MARCHF8: variants seen among roughly 807,000 people sequenced by gnomAD.
MARCHF8 encodes the protein membrane associated ring-CH-type finger 8.
MARCHF8 carries 40 observed loss-of-function variants against 51.6 expected under a neutral mutation model. The observed-to-expected ratio is 0.77, with a 90% confidence interval of 0.60 to 1.01. MARCHF8 has a LOEUF of 1.01. MARCHF8 is among the 50% of genes least tolerant of loss of function. The probability of loss-of-function intolerance (pLI) is 0.00; values close to 1 mark genes in which losing one functional copy is unlikely to be tolerated. For synonymous variants in MARCHF8, 263 were observed against 280.3 expected, an observed-to-expected ratio of 0.94 and a Z score of 0.62; for missense variants, 685 against 708.6, an observed-to-expected ratio of 0.97 and a Z score of 0.38.
intron 1 of MARCHF8, among the ~76,000 whole-genome samples, chr10:45,556,477 T>A (rs2044252717): frequency 6.6e-6 from 1 of 152,262 alleles, no homozygotes; most frequent in Admixed American, 6.5e-5. Context: ...GGATGCCAGC[T>A]AGAGCCAGGC....
chr10:45,581,245 C>T (rs952505539), intron 1 of MARCHF8, among the ~76,000 whole-genome samples: 11 of 152,092 alleles, frequency 7.2e-5, no homozygotes, highest in African/African-American at 2.4e-4. Context: ...GAACATCCTA[C>T]AATACACAGA....
At chr10:45,542,940 C>G (rs2044073146) in intron 1 of MARCHF8, among the ~76,000 whole-genome samples, 2 of 152,172 alleles carry the variant, frequency 1.3e-5, no homozygotes. Context: ...CTTGACTCCT[C>G]ATTCATATCC....
intron 1 of MARCHF8, among the ~76,000 whole-genome samples, chr10:45,546,933 T>C (rs2044131483): frequency 6.6e-6 from 1 of 152,160 alleles, no homozygotes; most frequent in Non-Finnish European, 1.5e-5. Context: ...TAGAGTAATT[T>C]AGAGCATTGC....
intron 3 of MARCHF8, among the ~76,000 whole-genome samples, chr10:45,470,867 T>C (rs2042675684): frequency 6.6e-6 from 1 of 152,250 alleles, no homozygotes; most frequent in South Asian, 2.1e-4. Flanking sequence ...CAGAAGTTAC[T>C]CTGTCAAACC....
intron 3 of MARCHF8, among the ~76,000 whole-genome samples, chr10:45,488,136 C>T (rs1173947798): frequency 6.6e-6 from 1 of 152,098 alleles, no homozygotes; most frequent in Admixed American, 6.5e-5. Flanking sequence ...CTAAAAAGAC[C>T]ACACCACAGG....
chr10:45,504,417 G>A (rs2043341545), intron 2 of MARCHF8, among the ~76,000 whole-genome samples: 1 of 152,210 alleles, frequency 6.6e-6, no homozygotes, highest in Admixed American at 6.5e-5. Context: ...GCACTCCAGC[G>A]TGGGAAACAA....
At chr10:45,478,043 C>T (rs2042818451) in intron 3 of MARCHF8, among the ~76,000 whole-genome samples, 1 of 152,188 alleles carries the variant, frequency 6.6e-6, no homozygotes, top group Non-Finnish European at 1.5e-5. Flanking sequence ...TACATTTAAA[C>T]TGCACGTTAG....
At chr10:45,499,038 A>C (rs2043228482) in intron 2 of MARCHF8, among the ~76,000 whole-genome samples, 2 of 152,182 alleles carry the variant, frequency 1.3e-5, no homozygotes, top group Non-Finnish European at 2.9e-5. Flanking sequence ...ACTGTTTTCC[A>C]TTGTGGTTGC....
At chr10:45,508,310 G>T (rs576076252) in intron 2 of MARCHF8, among the ~76,000 whole-genome samples, 10 of 139,574 alleles carry the variant, frequency 7.2e-5, no homozygotes, top group Admixed American at 4.4e-4. Flanking sequence ...CATGAAAGAG[G>T]ACAAAAATTT....
intron 2 of MARCHF8, among the ~76,000 whole-genome samples, chr10:45,517,266 T>G (rs1027153076): frequency 6.6e-6 from 1 of 152,192 alleles, no homozygotes; most frequent in African/African-American, 2.4e-5. Context: ...ATCCCAAGAA[T>G]AGTAATATGA....
At chr10:45,511,573 G>A (rs930445681) in intron 2 of MARCHF8, among the ~76,000 whole-genome samples, 1 of 152,240 alleles carries the variant, frequency 6.6e-6, no homozygotes, top group African/African-American at 2.4e-5. Flanking sequence ...ACACCTGACT[G>A]GTTTTCTTAC....
At chr10:45,588,320 C>A (rs1362622071) in intron 1 of MARCHF8, among the ~76,000 whole-genome samples, 1 of 152,146 alleles carries the variant, frequency 6.6e-6, no homozygotes, top group African/African-American at 2.4e-5. Flanking sequence ...TCTTTTTAAC[C>A]TCCTTTCATA....
intron 3 of MARCHF8, among the ~76,000 whole-genome samples, chr10:45,485,800 A>C (rs985211727): frequency 5.9e-5 from 9 of 152,206 alleles, no homozygotes; most frequent in African/African-American, 2.2e-4. Context: ...GGGGTCTAAA[A>C]GTCAGCAGAA....
At chr10:45,547,680 T>C (rs1421513886) in intron 1 of MARCHF8, among the ~76,000 whole-genome samples, 1 of 152,126 alleles carries the variant, frequency 6.6e-6, no homozygotes, top group Non-Finnish European at 1.5e-5. Context: ...AGATAAAACA[T>C]AATATGTTCC....
chr10:45,551,840 TAC>T lies in MARCHF8; in HGVS notation c.-78-18553_-78-18552del, dbSNP rs139172803. On this transcript the variant is annotated intron_variant, in intron 1 of 6. Transcript: ENST00000319836. The stretch of plus-strand genomic sequence containing the variant: ...CTATCTATATATATAGGTATATCTG[TAC>T]ACACACACACACACACACACACAGA... Among the ~76,000 whole-genome samples the T allele has an allele frequency of 3.0e-3, 449 of 147,774 alleles. 1 individual carries two copies. Among genetic ancestry groups the T allele is most frequent in the Middle Eastern group, 0.028 (8 of 282 alleles).
intron 1 of MARCHF8, among the ~76,000 whole-genome samples, chr10:45,557,116 C>CTTTTTT (rs58172142): frequency 1.4e-4 from 9 of 66,218 alleles, no homozygotes; most frequent in Non-Finnish European, 2.0e-4. Context: ...GGTGCCTATT[C>CTTTTTT]TTTTTTTTTT....
chr10:45,555,043 G>GA (rs2044236221), intron 1 of MARCHF8, among the ~76,000 whole-genome samples: 2 of 151,590 alleles, frequency 1.3e-5, no homozygotes, highest in South Asian at 4.2e-4. Flanking sequence ...GACAGAGTGA[G>GA]ACTCTGTCTC....
At chr10:45,484,748 T>C (rs564685943) in intron 3 of MARCHF8, among the ~76,000 whole-genome samples, 13 of 152,068 alleles carry the variant, frequency 8.5e-5, no homozygotes, top group African/African-American at 3.1e-4. Context: ...AGGGGTAAGA[T>C]TGGGAGAGGC....
At chr10:45,529,390 A>G (rs545323302) in intron 2 of MARCHF8, among the ~76,000 whole-genome samples, 1 of 152,166 alleles carries the variant, frequency 6.6e-6, no homozygotes, top group Non-Finnish European at 1.5e-5. Flanking sequence ...CCTAGGAAAA[A>G]CTCTTCTGGA....
Sources: gnomAD v4.1 joint callset for allele counts (sites outside exome capture counted in the v4.1 genomes callset) on GRCh38, gnomAD v4.1.1 for gene constraint, MANE v1.5 for transcripts, NCBI Gene and HGNC (gene_info 2026-07-23, HGNC 2026-07-21) for gene names.